The following PJA2 variants were observed in gnomAD, a reference collection of about 807,000 sequenced individuals.
PJA2 encodes E3 ubiquitin-protein ligase Praja-2.
A neutral mutation model predicts 69.3 loss-of-function variants in PJA2; 25 were observed. That is an observed-to-expected ratio of 0.36 (90% CI 0.26 to 0.50). The LOEUF (loss-of-function observed/expected upper bound fraction) is 0.50. Among genes scored for constraint, PJA2 ranks in the 20% least tolerant of loss-of-function variants. The pLI, the probability that PJA2 is intolerant of heterozygous loss-of-function variation, is 0.96. For missense variants in PJA2, 809 were observed against 830.2 expected (o/e 0.97, Z 0.31); for synonymous variants, 308 against 277.8 (o/e 1.11, Z -1.08).
chr5:109,406,042 T>A (rs1433469274), intron 1 of PJA2, among the ~76,000 whole-genome samples: 2 of 17,602 alleles, frequency 1.1e-4, no homozygotes, highest in Non-Finnish European at 2.3e-4. Context: ...ACAAACCCAT[T>A]TTTTTTTTTT....
intron 5 of PJA2, among the ~76,000 whole-genome samples, chr5:109,366,052 T>C (rs987303265): frequency 6.6e-6 from 1 of 152,190 alleles, no homozygotes; most frequent in Non-Finnish European, 1.5e-5. Flanking sequence ...ATCCCAGATA[T>C]TAGAACTTTT....
chr5:109,400,975 T>C (rs941111630), intron 1 of PJA2, among the ~76,000 whole-genome samples: 1 of 151,136 alleles, frequency 6.6e-6, no homozygotes, highest in Non-Finnish European at 1.5e-5. Context: ...AAAGCAAGAC[T>C]CTGTCTCAAA....
chr5:109,405,038 G>GGACA (rs1747650667), intron 1 of PJA2, among the ~76,000 whole-genome samples: 1 of 152,084 alleles, frequency 6.6e-6, no homozygotes, highest in East Asian at 1.9e-4. Context: ...TGTCTACATA[G>GGACA]GACAATTCCA....
intron 1 of PJA2, among the ~76,000 whole-genome samples, chr5:109,389,702 A>T (rs2115511): frequency 0.74 from 112,441 of 151,868 alleles, 42,307 homozygotes; most frequent in African/African-American, 0.82. Flanking sequence ...TACTGATTGT[A>T]AACCTTTGTT....
At chr5:109,359,510 A>G (rs1158255094) in intron 6 of PJA2, among the ~76,000 whole-genome samples, 3 of 152,258 alleles carry the variant, frequency 2.0e-5, no homozygotes, top group Admixed American at 6.5e-5. Flanking sequence ...GTGTTTTCTG[A>G]TATGTACTGC....
chr5:109,342,441 CG>C (rs1762087605), intron 9 of PJA2, among the ~76,000 whole-genome samples: 1 of 136,266 alleles, frequency 7.3e-6, no homozygotes, highest in Non-Finnish European at 1.6e-5. Context: ...GTCGGCCCCC[CG>C]CCCGGCCAGC....
At chr5:109,388,013 A>T (rs1747198247) in intron 1 of PJA2, among the ~76,000 whole-genome samples, 1 of 152,244 alleles carries the variant, frequency 6.6e-6, no homozygotes, top group South Asian at 2.1e-4. Flanking sequence ...AACTTCATTT[A>T]GGCAAGTTAA....
chr5:109,355,670 A>G (rs1391939509), intron 7 of PJA2, among the ~76,000 whole-genome samples: 1 of 152,272 alleles, frequency 6.6e-6, no homozygotes, highest in East Asian at 1.9e-4. Flanking sequence ...TATATTTTCT[A>G]AATGTAAGCA....
chr5:109,382,852 A>T (rs1314667800), intron 2 of PJA2, among the ~76,000 whole-genome samples: 2 of 152,120 alleles, frequency 1.3e-5, no homozygotes, highest in East Asian at 3.8e-4. Flanking sequence ...CATCTCAAAA[A>T]AAAAAAAAAA....
At chr5:109,367,310 T>C (rs1582604056) in intron 5 of PJA2, among the ~76,000 whole-genome samples, 1 of 151,472 alleles carries the variant, frequency 6.6e-6, no homozygotes, top group Non-Finnish European at 1.5e-5. Flanking sequence ...GATTTTCTTA[T>C]AGGATTAATC....
intron 7 of PJA2, among the ~76,000 whole-genome samples, chr5:109,351,207 T>C (rs1762245078): frequency 6.6e-6 from 1 of 151,820 alleles, no homozygotes; most frequent in South Asian, 2.1e-4. Context: ...TCAGTGACAA[T>C]GCCATAATAA....
intron 6 of PJA2, 33 bp downstream of exon 6, chr5:109,362,807 A>T: frequency 6.5e-7 from 1 of 1,532,168 alleles, no homozygotes; most frequent in Non-Finnish European, 8.9e-7. Flanking sequence ...CTCAGAGCCT[A>T]ATTAAGCATC....
intron 9 of PJA2, among the ~76,000 whole-genome samples, chr5:109,339,561 T>C (rs1582577032): frequency 6.6e-6 from 1 of 152,334 alleles, no homozygotes; most frequent in Non-Finnish European, 1.5e-5. Flanking sequence ...AGAAATGAAA[T>C]GAGGGAATGG....
At chr5:109,355,285 T>C (rs763431479) in intron 7 of PJA2, among the ~76,000 whole-genome samples, 6 of 152,306 alleles carry the variant, frequency 3.9e-5, no homozygotes, top group South Asian at 2.1e-4. Flanking sequence ...ACTTTGGAAA[T>C]AGTGATTTGA....
intron 9 of PJA2, among the ~76,000 whole-genome samples, chr5:109,338,387 C>T (rs946571647): frequency 3.3e-5 from 5 of 152,130 alleles, no homozygotes; most frequent in African/African-American, 1.2e-4. Context: ...TGCCTGTAAT[C>T]CCAGCACTTT....
intron 7 of PJA2, among the ~76,000 whole-genome samples, chr5:109,351,884 CAT>C (rs1762259245): frequency 6.6e-6 from 1 of 152,148 alleles, no homozygotes; most frequent in East Asian, 1.9e-4. Context: ...AAGAAATAAT[CAT>C]AAATTATTTT....
intron 1 of PJA2, among the ~76,000 whole-genome samples, chr5:109,399,305 G>C (rs1256607446): frequency 2.0e-5 from 3 of 152,024 alleles, no homozygotes; most frequent in Non-Finnish European, 4.4e-5. Context: ...GAGACAAAGG[G>C]CTTGTGTAAC....
At chr5:109,402,685 C>T (rs1007801008) in intron 1 of PJA2, among the ~76,000 whole-genome samples, 3 of 152,284 alleles carry the variant, frequency 2.0e-5, no homozygotes, top group South Asian at 2.1e-4. Flanking sequence ...GAATACTCCA[C>T]TGCTAAACAG....
chr5:109,376,933 T>G (rs1202867547), intron 4 of PJA2, among the ~76,000 whole-genome samples: 1 of 152,166 alleles, frequency 6.6e-6, no homozygotes, highest in Non-Finnish European at 1.5e-5. Flanking sequence ...GATCCAGATC[T>G]GCTTATCCAG....
Sources: gnomAD v4.1 joint callset for allele counts (sites outside exome capture counted in the v4.1 genomes callset) on GRCh38, gnomAD v4.1.1 for gene constraint, MANE v1.5 for transcripts, NCBI Gene and HGNC (gene_info 2026-07-23, HGNC 2026-07-21) for gene names.